The following UBAP2L variants were observed in gnomAD, a reference collection of about 807,000 sequenced individuals.
The protein encoded by UBAP2L is ubiquitin associated protein 2 like, also known as ubiquitin-associated protein 2-like.
In UBAP2L, 12 loss-of-function variants were observed where a neutral mutation model predicts 130.6. The ratio of observed to expected loss-of-function variants is 0.09; its 90% CI spans 0.06 to 0.15. The LOEUF is 0.15. UBAP2L is among the 10% of genes least tolerant of loss of function. The pLI is 1.00. For missense variants in UBAP2L, 965 were observed against 1,332.5 expected, an observed-to-expected ratio of 0.72 and a Z score of 4.29; for synonymous variants, 503 against 524.7, an observed-to-expected ratio of 0.96 and a Z score of 0.57.
At chr1:154,259,699 C>T (rs1323295635) in intron 21 of UBAP2L, 1 of 611,688 alleles carries the variant, frequency 1.6e-6, no homozygotes, top group African/African-American at 1.8e-5. Context: ...AAATATTGGT[C>T]CTCGTGGACT....
chr1:154,220,301 T>G (rs1279338556), upstream of UBAP2L: 3 of 1,610,568 alleles, frequency 1.9e-6, no homozygotes, highest in Non-Finnish European at 2.5e-6. Context: ...CTCTACTGGG[T>G]AAGATGCGAC....
intron 24 of UBAP2L, chr1:154,263,093 T>C: frequency 6.4e-7 from 1 of 1,551,604 alleles, no homozygotes; most frequent in Non-Finnish European, 8.7e-7. Flanking sequence ...ATGTATTTGA[T>C]TCCTTTTAGG....
intron 9 of UBAP2L, among the ~76,000 whole-genome samples, chr1:154,242,339 G>A (rs770085613): frequency 4.6e-5 from 7 of 152,218 alleles, no homozygotes; most frequent in Non-Finnish European, 8.8e-5. Context: ...GAAATGACAT[G>A]TGAAGACTGT....
Position 154,249,283 on chromosome 1 carries a change from A to G in UBAP2L, c.1059A>G (p.Lys353=). 6.2e-7 allele frequency: 1 copy of G among 1,614,150 alleles called. No homozygotes were observed. Among genetic ancestry groups the G allele is most frequent in the Middle Eastern group, 1.6e-4 (1 of 6,062 alleles). Residue 353 remains lysine (K), a synonymous_variant, in exon 12 of 27, where the codon AAA becomes AAG. Transcript: ENST00000428931. The part of the protein sequence containing the change: ...GKGFGDVGEA[K]GGSTTGSQFL... ...GATTTGGTGATGTCGGTGAAGCTAA[A>G]GGCGGCAGTACTACAGGCTCCCAGT...
chr1:154,257,537 C>T, intron 20 of UBAP2L, 103 bp downstream of exon 20: 1 of 1,224,372 alleles, frequency 8.2e-7, no homozygotes, highest in East Asian at 2.4e-5. Flanking sequence ...AAAACTTGCA[C>T]ATACTCAAGC....
At chr1:154,251,876 CTT>C (rs1218795418) in intron 14 of UBAP2L, among the ~76,000 whole-genome samples, 6 of 152,168 alleles carry the variant, frequency 3.9e-5, no homozygotes, top group African/African-American at 1.4e-4. Context: ...ATGGCTGACA[CTT>C]ATAATCCCAG....
intron 24 of UBAP2L, among the ~76,000 whole-genome samples, chr1:154,262,223 T>C (rs1571948968): frequency 6.6e-6 from 1 of 152,314 alleles, no homozygotes; most frequent in African/African-American, 2.4e-5. Context: ...CCATACTTAA[T>C]AGAGTGGGAA....
chr1:154,249,193 A>G lies in UBAP2L; in HGVS notation c.1015-46A>G, dbSNP rs750598453. On this transcript the variant is annotated intron_variant, in intron 11 of 26. Coordinates refer to ENST00000428931, the MANE Select transcript of UBAP2L (RefSeq NM_014847.4). ...TAAGTGTCTTTATGAGTAGCTGAAC[A>G]AGGTTACTGGCTGTAGGTTTCTCTC... The G allele has an allele frequency of 1.9e-6, 3 of 1,598,362 alleles. No individual in the cohort carries two copies. In the South Asian group the frequency reaches 3.3e-5, roughly 18 times the overall value.
intron 24 of UBAP2L, among the ~76,000 whole-genome samples, chr1:154,266,064 G>C (rs1683142479): frequency 6.6e-6 from 1 of 152,202 alleles, no homozygotes; most frequent in Non-Finnish European, 1.5e-5. Flanking sequence ...TTTGAGCCCA[G>C]AAATGTCACT....
At chr1:154,247,750 T>C (rs1676003706) in intron 11 of UBAP2L, among the ~76,000 whole-genome samples, 4 of 152,070 alleles carry the variant, frequency 2.6e-5, no homozygotes. Flanking sequence ...TTTTTTTAAA[T>C]AAAAATGTGA....
At chr1:154,239,759 G>T (rs773350161) in intron 8 of UBAP2L, among the ~76,000 whole-genome samples, 5 of 152,126 alleles carry the variant, frequency 3.3e-5, no homozygotes, top group Non-Finnish European at 7.4e-5. Context: ...CTAGGATTGT[G>T]TATAAGTGCT....
At chr1:154,220,294 T>C (rs757397163), upstream of UBAP2L, 2 of 1,606,970 alleles carry the variant, frequency 1.2e-6, no homozygotes, top group South Asian at 2.2e-5. Flanking sequence ...GGAGGGTCTC[T>C]ACTGGGTAAG....
intron 12 of UBAP2L, 141 bp from the exon 13 acceptor site, chr1:154,250,900 G>T: frequency 2.7e-5 from 16 of 583,046 alleles, no homozygotes; most frequent in Admixed American, 6.4e-5. Flanking sequence ...CTATAGAAAT[G>T]AGATTAAGCC....
Position 154,260,028 on chromosome 1 carries a change from T to C in UBAP2L, c.2577T>C (p.Ser859=). 1 of 1,613,996 alleles carries C rather than the reference T, an allele frequency of 6.2e-7. No homozygotes were observed. The change falls in exon 22 of 27, where the codon TCT becomes TCC. Residue 859 remains serine, a splice_region_variant and synonymous_variant. Transcript: ENST00000428931. ...RDGSLASNPY[S]GDLTKFGRGD... Reference sequence around the variant, plus strand: ...GTAGCCTGGCCAGCAACCCTTATTCTGGTAGGATTGGGATGGGACTAAATA... The same window carrying C: ...GTAGCCTGGCCAGCAACCCTTATTCCGGTAGGATTGGGATGGGACTAAATA...
chr1:154,220,207 A>C (rs1665412265), upstream of UBAP2L: 2 of 1,100,056 alleles, frequency 1.8e-6, no homozygotes, highest in Non-Finnish European at 2.8e-6. Flanking sequence ...ACTCCCACCT[A>C]CTCCTGGAAT....
At chr1:154,232,438 T>A (rs1670172741) in intron 4 of UBAP2L, among the ~76,000 whole-genome samples, 1 of 152,198 alleles carries the variant, frequency 6.6e-6, no homozygotes, top group South Asian at 2.1e-4. Flanking sequence ...TTTTAAAAAC[T>A]TTTAAGTTTA....
chr1:154,245,827 A>G (rs1675278324), intron 10 of UBAP2L, among the ~76,000 whole-genome samples: 1 of 152,132 alleles, frequency 6.6e-6, no homozygotes, highest in African/African-American at 2.4e-5. Flanking sequence ...AGGCAGGAGA[A>G]TGGCGTGAAC....
At chr1:154,236,960 C>A in intron 7 of UBAP2L, 64 bp from the exon 8 acceptor site, 1 of 1,257,638 alleles carries the variant, frequency 8.0e-7, no homozygotes, top group Non-Finnish European at 1.2e-6. Flanking sequence ...GATTTTGATT[C>A]TTTGAGTTAA....
chr1:154,253,591 C>G (rs1367096742), intron 14 of UBAP2L, among the ~76,000 whole-genome samples: 1 of 151,714 alleles, frequency 6.6e-6, no homozygotes, highest in Non-Finnish European at 1.5e-5. Context: ...CCAGGATGGT[C>G]TTGATCTCCT....
Sources: allele counts gnomAD v4.1 joint callset (sites outside exome capture counted in the v4.1 genomes callset), GRCh38; gene constraint gnomAD v4.1.1; transcripts MANE v1.5; gene names NCBI Gene and HGNC (gene_info 2026-07-23, HGNC 2026-07-21).